Variants in SPTLC2 observed in about 807,000 individuals in gnomAD.
The protein encoded by SPTLC2 is serine palmitoyltransferase 2.
A neutral mutation model predicts 62.0 loss-of-function variants in SPTLC2; 21 were observed. That is an observed-to-expected ratio of 0.34 (90% CI 0.24 to 0.49). SPTLC2 has a LOEUF of 0.49. SPTLC2 is among the 20% of genes least tolerant of loss of function. The pLI is 0.99. For missense variants in SPTLC2, 511 were observed against 713.0 expected (o/e 0.72, Z 3.23); for synonymous variants, 261 against 261.8 (o/e 1.00, Z 0.03).
At chr14:77,606,615 A>G (rs577845450) in intron 1 of SPTLC2, among the ~76,000 whole-genome samples, 4 of 152,312 alleles carry the variant, frequency 2.6e-5, no homozygotes, top group Non-Finnish European at 5.9e-5. Flanking sequence ...TTCCACCGAG[A>G]AACTCAAAAT....
chr14:77,589,389 T>G (rs1295279246), intron 2 of SPTLC2, among the ~76,000 whole-genome samples: 3 of 152,186 alleles, frequency 2.0e-5, no homozygotes, highest in African/African-American at 7.2e-5. Context: ...TGTGTGCATG[T>G]GTGTACGTAC....
At position 77,512,100 on chromosome 14, in the gene SPTLC2, G is replaced by A; in HGVS notation, c.*184C>T. 3 of 729,192 alleles carry A rather than the reference G, an allele frequency of 4.1e-6. No individual in the cohort carries two copies. Among genetic ancestry groups the A allele is most frequent in the Non-Finnish European group, 6.7e-6 (3 of 447,974 alleles). 45.2% of individuals were successfully genotyped at this position (729,192 alleles called of 1,614,324 possible). On this transcript the variant is annotated 3_prime_UTR_variant, in exon 12 of 12. Transcript: ENST00000216484. ...TTAAAGGTGAGATTTAGCAAAGGAA[G>A]GATTAGAAGCAGTTTTTTACTATTT...
At chr14:77,605,790 AAGTGAAATTAAGCACAATCTCAC>A (rs2079901751) in intron 1 of SPTLC2, among the ~76,000 whole-genome samples, 1 of 152,232 alleles carries the variant, frequency 6.6e-6, no homozygotes, top group South Asian at 2.1e-4. Context: ...TAGAAAACCA[AAGTGAAATTAAGCACAATCTCAC>A]AGTGCTTAGC....
chr14:77,605,007 G>T (rs1004951089), intron 1 of SPTLC2, among the ~76,000 whole-genome samples: 1 of 151,820 alleles, frequency 6.6e-6, no homozygotes, highest in Admixed American at 6.6e-5. Context: ...TAAACATTTG[G>T]CCTATTTATT....
intron 9 of SPTLC2, among the ~76,000 whole-genome samples, chr14:77,523,668 AAT>A (rs2079395416): frequency 6.6e-6 from 1 of 152,312 alleles, no homozygotes; most frequent in African/African-American, 2.4e-5. Flanking sequence ...TGTCCACCAA[AAT>A]ATAAAGATCT....
At chr14:77,529,279 A>C (rs574774055) in intron 9 of SPTLC2, among the ~76,000 whole-genome samples, 1 of 145,276 alleles carries the variant, frequency 6.9e-6, no homozygotes, top group South Asian at 2.1e-4. Flanking sequence ...TTTTTTTAAC[A>C]AATATGCCTT....
chr14:77,520,850 G>A (rs1055385122), intron 10 of SPTLC2, among the ~76,000 whole-genome samples: 3 of 152,134 alleles, frequency 2.0e-5, no homozygotes, highest in East Asian at 3.8e-4. Context: ...CCTGGGGCAC[G>A]GTGCTCCAAT....
intron 9 of SPTLC2, among the ~76,000 whole-genome samples, chr14:77,547,209 G>T (rs1326695191): frequency 1.3e-5 from 2 of 151,574 alleles, no homozygotes; most frequent in African/African-American, 4.9e-5. Context: ...AGCATTCTAG[G>T]CAGAAAGTCA....
At chr14:77,575,229 A>G (rs1445968495) in intron 4 of SPTLC2, among the ~76,000 whole-genome samples, 2 of 152,330 alleles carry the variant, frequency 1.3e-5, no homozygotes, top group South Asian at 4.1e-4. Context: ...CTATGCATCA[A>G]TCTATCTATA....
At position 77,616,569 on chromosome 14, in the gene SPTLC2, T is replaced by G; in HGVS notation, c.11A>C (p.Glu4Ala). 6.5e-7 allele frequency: 1 copy of G among 1,537,642 alleles called. No individual in the cohort carries two copies. The highest frequency in any genetic ancestry group is 8.7e-7 in the Non-Finnish European group (1 of 1,147,842). Residue 4 changes from glutamate (E) to alanine (A), a missense_variant, in exon 1 of 12, where the codon GAG becomes GCG. Physicochemically the swap from Glu to Ala is moderately radical, Grantham distance 107. Transcript: ENST00000216484. ...GCGGCGGCAGCAGCAGCCTCCGGGCTCCGGCCGCATCTTCCTGGCAGCACC... is the reference window on the plus strand; with the variant it reads ...GCGGCGGCAGCAGCAGCCTCCGGGCGCCGGCCGCATCTTCCTGGCAGCACC... Reference protein sequence around the residue: MRPEPGGCCCRRTV... With the variant: MRPAPGGCCCRRTV...
chr14:77,608,237 A>C (rs1025358172), intron 1 of SPTLC2, among the ~76,000 whole-genome samples: 1 of 152,182 alleles, frequency 6.6e-6, no homozygotes, highest in Non-Finnish European at 1.5e-5. Context: ...TATTGTTTTA[A>C]ACCACTTGCA....
At chr14:77,552,034 AAAAACAGCACGTTT>A in intron 9 of SPTLC2, 48 bp downstream of exon 9, 8 of 1,603,024 alleles carry the variant, frequency 5.0e-6, no homozygotes, top group Non-Finnish European at 6.0e-6. Flanking sequence ...AAAGCTCAAG[AAAAACAGCACGTTT>A]GGCTGCTAGG....
chr14:77,530,118 A>C (rs1263109592), intron 9 of SPTLC2, among the ~76,000 whole-genome samples: 1 of 152,182 alleles, frequency 6.6e-6, no homozygotes, highest in Non-Finnish European at 1.5e-5. Context: ...ATCTCAGCTG[A>C]AGGTATCTTG....
At chr14:77,589,047 GA>G (rs2079800153) in intron 2 of SPTLC2, among the ~76,000 whole-genome samples, 1 of 105,202 alleles carries the variant, frequency 9.5e-6, no homozygotes, top group African/African-American at 3.8e-5. Context: ...AGAAAGAAAA[GA>G]AAAAGGGAAA....
chr14:77,593,077 T>C (rs1488011282), intron 2 of SPTLC2, among the ~76,000 whole-genome samples: 1 of 150,606 alleles, frequency 6.6e-6, no homozygotes, highest in Non-Finnish European at 1.5e-5. Context: ...TACTCCAGCC[T>C]GGGCGACAGA....
chr14:77,569,601 C>A (rs2079665829), intron 5 of SPTLC2, among the ~76,000 whole-genome samples: 2 of 151,282 alleles, frequency 1.3e-5, no homozygotes. Flanking sequence ...TTGAGTTAAT[C>A]CACCACGTTT....
chr14:77,579,173 A>G, intron 2 of SPTLC2, 64 bp from the exon 3 acceptor site: 1 of 1,537,914 alleles, frequency 6.5e-7, no homozygotes, highest in Non-Finnish European at 8.9e-7. Flanking sequence ...ATTTTTTAAC[A>G]GATGACATGA....
At chr14:77,564,287 A>G (rs78566694) in intron 5 of SPTLC2, among the ~76,000 whole-genome samples, 6 of 137,666 alleles carry the variant, frequency 4.4e-5, no homozygotes, top group African/African-American at 5.4e-5. Context: ...AGAGGAGGAA[A>G]AGGAGGAAGA....
At chr14:77,568,282 C>T (rs914292263) in intron 5 of SPTLC2, among the ~76,000 whole-genome samples, 7 of 152,088 alleles carry the variant, frequency 4.6e-5, no homozygotes, top group African/African-American at 1.7e-4. Flanking sequence ...TTTGTGTTAT[C>T]AATTTCTAAT....
Sources: allele counts gnomAD v4.1 joint callset (sites outside exome capture counted in the v4.1 genomes callset), GRCh38; gene constraint gnomAD v4.1.1; transcripts MANE v1.5; gene names NCBI Gene and HGNC (gene_info 2026-07-23, HGNC 2026-07-21).